The following CEP135 variants were observed in gnomAD, a reference collection of about 807,000 sequenced individuals.
CEP135 encodes the protein centrosomal protein 135, also known as centrosomal protein of 135 kDa.
Under a neutral mutation model 157.3 loss-of-function variants are expected in CEP135, and 142 were observed. The observed-to-expected ratio is 0.90, with a 90% CI of 0.79 to 1.04. The LOEUF (loss-of-function observed/expected upper bound fraction) is 1.04, where lower values mean the gene tolerates loss of function less well. Among genes scored for constraint, CEP135 ranks in the 50% least tolerant of loss-of-function variants. CEP135 has a pLI of 0.00. For missense variants in CEP135, 1,317 were observed against 1,309.2 expected (o/e 1.01, Z -0.09); for synonymous variants, 396 against 439.8 (o/e 0.90, Z 1.25).
At position 55,965,759 on chromosome 4, in the gene CEP135, T is replaced by G. The variant is rs762230792; in HGVS notation, c.944T>G (p.Leu315Arg). The change falls in exon 8 of 26, where the codon CTC becomes CGC. Residue 315 changes from leucine (L) to arginine (R), a missense_variant. Transcript: ENST00000257287. ...AATTTAAGTAACAAAAATGAAAAACTCTGCCAAGAATTAACTGAAATAGAT... is the reference window on the plus strand; with the variant it reads ...AATTTAAGTAACAAAAATGAAAAACGCTGCCAAGAATTAACTGAAATAGAT... ...VVNLSNKNEK[L>R]CQELTEIDQL... 6.2e-7 allele frequency: 1 copy of G among 1,613,856 alleles called. No homozygotes were observed. The highest frequency in any genetic ancestry group is 8.5e-7 in the Non-Finnish European group (1 of 1,179,874).
intron 9 of CEP135, among the ~76,000 whole-genome samples, chr4:55,970,810 T>C (rs1326611016): frequency 6.6e-6 from 1 of 152,224 alleles, no homozygotes; most frequent in Non-Finnish European, 1.5e-5. Flanking sequence ...AAGTACTTCA[T>C]AACCATAGAT....
At chr4:55,980,367 C>T (rs1047626718) in intron 12 of CEP135, 72 bp downstream of exon 12, 20 of 925,252 alleles carry the variant, frequency 2.2e-5, no homozygotes, top group Non-Finnish European at 2.7e-5. Flanking sequence ...CTGTATATAT[C>T]TTTCACATTA....
intron 7 of CEP135, 32 bp from the exon 8 acceptor site, chr4:55,965,612 C>A: frequency 2.0e-6 from 3 of 1,472,964 alleles, no homozygotes; most frequent in Non-Finnish European, 2.8e-6. Context: ...TTTTCCAATT[C>A]ATATACCTCA....
At chr4:55,967,859 A>G (rs781431641) in intron 8 of CEP135, among the ~76,000 whole-genome samples, 1 of 152,214 alleles carries the variant, frequency 6.6e-6, no homozygotes, top group Non-Finnish European at 1.5e-5. Flanking sequence ...TTCCTCTAAG[A>G]TGAAGAACAA....
intron 24 of CEP135, 45 bp downstream of exon 24, chr4:56,020,825 T>C: frequency 7.3e-7 from 1 of 1,364,132 alleles, no homozygotes; most frequent in Non-Finnish European, 1.0e-6. Context: ...TTATGTGTTC[T>C]CTATTGTACT....
chr4:55,951,025 A>G (rs1728346412), intron 1 of CEP135, among the ~76,000 whole-genome samples: 1 of 152,188 alleles, frequency 6.6e-6, no homozygotes, highest in Non-Finnish European at 1.5e-5. Context: ...GGAGTCATAC[A>G]GTATTTGTCT....
At chr4:55,963,206 T>C (rs907226204) in intron 6 of CEP135, among the ~76,000 whole-genome samples, 7 of 152,250 alleles carry the variant, frequency 4.6e-5, no homozygotes, top group Non-Finnish European at 5.9e-5. Flanking sequence ...ATTTTAGTTA[T>C]TAATTGTTTC....
In CEP135 at chr4:55,981,321, CG is replaced by C. The variant is rs764846292; in HGVS notation, c.1722del (p.Leu575TyrfsTer4). ...VSLMEKEKEL[A>X]LSDLRRIMAE... ...CTTATGGAAAAGGAAAAAGAACTTG[CG>C]TTATCTGACTTAAGAAGAATTATGG... On this transcript the variant is annotated frameshift_variant, in exon 13 of 26. Coordinates refer to ENST00000257287, the MANE Select transcript of CEP135 (RefSeq NM_025009.5). LOFTEE classifies it high-confidence loss of function. 1.3e-6 allele frequency: 2 copies of C among 1,594,834 alleles called. No individual in the cohort carries two copies. The highest frequency in any genetic ancestry group is 1.7e-6 in the Non-Finnish European group (2 of 1,173,864).
intron 3 of CEP135, among the ~76,000 whole-genome samples, chr4:55,953,558 C>T (rs1316853160): frequency 1.3e-5 from 2 of 151,926 alleles, no homozygotes; most frequent in Non-Finnish European, 2.9e-5. Flanking sequence ...CCCTGAAATA[C>T]TATAGGGTAT....
chr4:55,969,833 G>A (rs1162341789), intron 9 of CEP135, among the ~76,000 whole-genome samples: 1 of 152,106 alleles, frequency 6.6e-6, no homozygotes, highest in Non-Finnish European at 1.5e-5. Context: ...TGAAATATTT[G>A]TTGATTATTA....
intron 21 of CEP135, among the ~76,000 whole-genome samples, chr4:56,015,010 C>G (rs1269120577): frequency 6.6e-6 from 1 of 152,066 alleles, no homozygotes; most frequent in Non-Finnish European, 1.5e-5. Flanking sequence ...CCACTGCACT[C>G]CAGCCTGGGT....
chr4:56,019,597 G>A, intron 23 of CEP135, 42 bp downstream of exon 23: 1 of 1,516,032 alleles, frequency 6.6e-7, no homozygotes, highest in Non-Finnish European at 9.0e-7. Context: ...AATTGCTTGT[G>A]AAGGATAGTT....
In CEP135 at chr4:55,957,649, T is replaced by C. The variant is rs147541998; in HGVS notation, c.614+285T>C. ...GTAGAGCTGCTTTGACATTTTGTGT[T>C]GTCTCCAAATAAGAGGTATCTTTTG... On this transcript the variant is annotated intron_variant, in intron 5 of 25. Coordinates refer to ENST00000257287, the MANE Select transcript of CEP135 (RefSeq NM_025009.5). Among the ~76,000 whole-genome samples the C allele has an allele frequency of 2.3e-3, 356 of 152,360 alleles. 1 individual carries two copies. The highest frequency in any genetic ancestry group is 8.2e-3 in the African/African-American group (343 of 41,584).
At chr4:55,971,820 G>A (rs1435747077) in intron 10 of CEP135, among the ~76,000 whole-genome samples, 1 of 152,108 alleles carries the variant, frequency 6.6e-6, no homozygotes, top group Non-Finnish European at 1.5e-5. Flanking sequence ...ACTTTCTACA[G>A]GTACCAGTTC....
chr4:56,010,969 C>CA (rs1488259885), intron 19 of CEP135, among the ~76,000 whole-genome samples: 1 of 152,054 alleles, frequency 6.6e-6, no homozygotes, highest in Non-Finnish European at 1.5e-5. Context: ...CGTGGTAGCT[C>CA]ACGCCTATAA....
intron 21 of CEP135, among the ~76,000 whole-genome samples, chr4:56,013,681 A>T (rs889696219): frequency 6.6e-5 from 10 of 152,304 alleles, no homozygotes; most frequent in African/African-American, 2.4e-4. Flanking sequence ...GGTTAGATTG[A>T]TATACAATAG....
At chr4:56,011,364 T>G in intron 19 of CEP135, 48 bp from the exon 20 acceptor site, 1 of 1,205,604 alleles carries the variant, frequency 8.3e-7, no homozygotes, top group Non-Finnish European at 1.2e-6. Flanking sequence ...ATAAAATTTA[T>G]TTGGTGTTGT....
At chr4:55,995,323 C>CTGTTT (rs1186185766) in intron 15 of CEP135, among the ~76,000 whole-genome samples, 16 of 152,184 alleles carry the variant, frequency 1.1e-4, no homozygotes, top group African/African-American at 3.9e-4. Flanking sequence ...TTGTTGTTGT[C>CTGTTT]TGTTTTGTTT....
At chr4:56,005,997 C>T (rs1730335402) in intron 17 of CEP135, among the ~76,000 whole-genome samples, 2 of 152,054 alleles carry the variant, frequency 1.3e-5, no homozygotes, top group Admixed American at 1.3e-4. Context: ...TTGCTTTTCT[C>T]TTCTTGCTTT....
Sources: gnomAD v4.1 joint callset for allele counts (sites outside exome capture counted in the v4.1 genomes callset) on GRCh38, gnomAD v4.1.1 for gene constraint, MANE v1.5 for transcripts, NCBI Gene and HGNC (gene_info 2026-07-23, HGNC 2026-07-21) for gene names.